KALRN: variants seen among roughly 807,000 people sequenced by gnomAD.
The protein encoded by KALRN is kalirin.
KALRN carries 70 observed loss-of-function variants against 353.7 expected under a neutral mutation model. The observed-to-expected ratio is 0.20, with a 90% CI of 0.16 to 0.24. KALRN has a LOEUF of 0.24. Among genes scored for constraint, KALRN ranks in the 10% least tolerant of loss-of-function variants. The probability of loss-of-function intolerance (pLI) is 1.00; values close to 1 mark genes in which losing one functional copy is unlikely to be tolerated. For missense variants in KALRN, 2,791 were observed against 3,756.7 expected (o/e 0.74, Z 6.72); for synonymous variants, 1,391 against 1,434.8 (o/e 0.97, Z 0.69).
chr3:124,466,331 G>A (rs999918564), intron 25 of KALRN, among the ~76,000 whole-genome samples: 3 of 152,096 alleles, frequency 2.0e-5, no homozygotes, highest in Non-Finnish European at 2.9e-5. Context: ...ACAAGACTTA[G>A]ACCTATTTTG....
At position 124,679,471 on chromosome 3, in the gene KALRN, C is replaced by T; in HGVS notation, c.7331C>T (p.Ser2444Phe). ...CTGCCAATCAAGGAGACGAACAGTTCCGAGGAATCAGAGTGTGATGATCTT... is the reference window on the plus strand; with the variant it reads ...CTGCCAATCAAGGAGACGAACAGTTTCGAGGAATCAGAGTGTGATGATCTT... Reference protein sequence around the residue: ...NKVSVKETNSSEESECDDLDP... With the variant: ...NKVSVKETNSFEESECDDLDP... Residue 2444 changes from serine to phenylalanine, a missense_variant, in exon 51 of 60, where the codon TCC becomes TTC. By Grantham distance (155) the Ser-to-Phe change is radical (BLOSUM62 -2). Around this residue, in one of 11 missense-constraint regions of KALRN, gnomAD observed 1,065 missense variants for 1,156.4 expected, o/e 0.92. Transcript: ENST00000682506. 1 of 1,613,978 alleles carries T rather than the reference C, an allele frequency of 6.2e-7. No individual in the cohort carries two copies. The highest frequency in any genetic ancestry group is 8.5e-7 in the Non-Finnish European group (1 of 1,179,860).
chr3:124,486,160 G>C (rs13324693), intron 28 of KALRN, among the ~76,000 whole-genome samples: 4,007 of 152,184 alleles, frequency 0.026, 186 homozygotes, highest in African/African-American at 0.09. Context: ...ATTAAATGTG[G>C]AGCCTTCTCC....
At chr3:124,044,006 A>C (rs2040200305) in intron 1 of KALRN, among the ~76,000 whole-genome samples, 1 of 152,074 alleles carries the variant, frequency 6.6e-6, no homozygotes, top group African/African-American at 2.4e-5. Flanking sequence ...TTTGCTCATG[A>C]ATTTCCAGTT....
chr3:124,111,169 A>G, intron 1 of KALRN, among the ~76,000 whole-genome samples: 1 of 152,218 alleles, frequency 6.6e-6, no homozygotes, highest in East Asian at 1.9e-4. Flanking sequence ...ACAAGAAAAG[A>G]CCATCTTAGA....
chr3:124,678,743 T>C lies in KALRN; in HGVS notation c.7317+430T>C, dbSNP rs555843108. 21 of 160,860 alleles carry C rather than the reference T, an allele frequency of 1.3e-4. No homozygotes were observed. In the South Asian group the frequency reaches 3.6e-3, roughly 27 times the overall value. The allele number at this position is 160,860 out of a possible 1,614,324, so 10.0% of individuals were successfully genotyped here. The stretch of plus-strand genomic sequence containing the variant: ...CTGAGGTTTGGAATTTAAGGGCCAC[T>C]GTGTCCTTAGTAAAGTTTCATTTCT... On this transcript the variant is annotated intron_variant, in intron 50 of 59. Coordinates refer to ENST00000682506, the MANE Select transcript of KALRN (RefSeq NM_001388419.1).
intron 34 of KALRN, among the ~76,000 whole-genome samples, chr3:124,615,170 T>C (rs1011095886): frequency 6.6e-6 from 1 of 152,210 alleles, no homozygotes; most frequent in Non-Finnish European, 1.5e-5. Context: ...TATAGTCTAA[T>C]CAAATCAATA....
At chr3:124,565,838 A>C (rs2072741402) in intron 34 of KALRN, among the ~76,000 whole-genome samples, 1 of 152,214 alleles carries the variant, frequency 6.6e-6, no homozygotes, top group Non-Finnish European at 1.5e-5. Context: ...GTGATCCCGA[A>C]GTGGGAGGTG....
chr3:124,566,321 C>T (rs748904767), intron 34 of KALRN, among the ~76,000 whole-genome samples: 14 of 151,932 alleles, frequency 9.2e-5, no homozygotes, highest in Non-Finnish European at 1.6e-4. Context: ...GGCAACATGG[C>T]GAAACCCTGT....
intron 14 of KALRN, among the ~76,000 whole-genome samples, chr3:124,417,163 A>G (rs1270110352): frequency 6.6e-6 from 1 of 152,220 alleles, no homozygotes; most frequent in Non-Finnish European, 1.5e-5. Context: ...GGGAGATGGT[A>G]GGTTTTGCTG....
intron 1 of KALRN, among the ~76,000 whole-genome samples, chr3:124,140,017 A>C (rs1179110793): frequency 6.6e-6 from 1 of 152,122 alleles, no homozygotes; most frequent in African/African-American, 2.4e-5. Context: ...GTCATATGGT[A>C]GTTCCACCAG....
chr3:124,477,322 C>T lies in KALRN; in HGVS notation c.4179C>T (p.Gly1393=). The change falls in exon 27 of 60, where the codon GGC becomes GGT. Residue 1393 remains glycine, a synonymous_variant. Coordinates refer to ENST00000682506, the MANE Select transcript of KALRN (RefSeq NM_001388419.1). ...ACCAGCTTATCCTGGAGCATGCGGG[C>T]ACCTTCTTTGATGTAAGCTGTGTTT... is the stretch of plus-strand genomic sequence containing the variant. The part of the protein sequence containing the change: ...DSNQLILEHA[G]TFFDEIQQRH... The T allele has an allele frequency of 1.2e-6, 2 of 1,612,892 alleles. No individual in the cohort carries two copies. Among genetic ancestry groups the T allele is most frequent in the Non-Finnish European group, 8.5e-7 (1 of 1,178,988 alleles).
rs142947301 is a variant in KALRN at position 124,671,887 on chromosome 3, G to A, written c.6931G>A (p.Glu2311Lys). ...ATACCACCAGCCTGGGGACAAGTTC[G>A]AAGCCAGCAAGGTAAGTGACAACTC... is the stretch of plus-strand genomic sequence containing the variant. The part of the protein sequence containing the change: ...FEYHQPGDKF[E>K]ASKNDLGGCN... Residue 2311 changes from glutamate to lysine, a missense_variant, in exon 48 of 60, where the codon GAA becomes AAA. Coordinates refer to ENST00000682506, the MANE Select transcript of KALRN (RefSeq NM_001388419.1). 2.8e-4 allele frequency: 448 copies of A among 1,612,374 alleles called. No individual in the cohort carries two copies. In the African/African-American group the frequency reaches 4.7e-3, roughly 17 times the overall value.
intron 3 of KALRN, among the ~76,000 whole-genome samples, chr3:124,236,223 G>C (rs757476962): frequency 6.6e-6 from 1 of 152,104 alleles, no homozygotes; most frequent in Non-Finnish European, 1.5e-5. Flanking sequence ...AGGGATTTGG[G>C]TTATATCTGA....
chr3:124,711,634 C>G (rs1228652123), intron 57 of KALRN, among the ~76,000 whole-genome samples: 1 of 152,196 alleles, frequency 6.6e-6, no homozygotes, highest in African/African-American at 2.4e-5. Context: ...ACAGCTGTAT[C>G]TGGGAACCAT....
chr3:124,384,004 A>G lies in KALRN; in HGVS notation c.1771-841A>G, dbSNP rs145774475. Among the ~76,000 whole-genome samples the G allele has an allele frequency of 6.2e-3, 944 of 152,316 alleles. 18 individuals carry two copies. The highest frequency in any genetic ancestry group is 0.022 in the African/African-American group (894 of 41,562). On this transcript the variant is annotated intron_variant, in intron 10 of 59. Coordinates refer to ENST00000682506, the MANE Select transcript of KALRN (RefSeq NM_001388419.1). ...CACCAGCTCTAAGTCAGGACATATC[A>G]GGAGACTTTCAAAATGAGAAGCCTG... is the stretch of plus-strand genomic sequence containing the variant.
At chr3:124,677,940 AT>A (rs2087375638) in intron 49 of KALRN, among the ~76,000 whole-genome samples, 1 of 152,078 alleles carries the variant, frequency 6.6e-6, no homozygotes, top group South Asian at 2.1e-4. Context: ...TAGCATTCAT[AT>A]TTTCTTTAAA....
chr3:124,424,073 A>C (rs1298143351), intron 15 of KALRN, among the ~76,000 whole-genome samples: 2 of 152,102 alleles, frequency 1.3e-5, no homozygotes, highest in African/African-American at 4.8e-5. Flanking sequence ...CTCATTTTAT[A>C]GATTAGGCCA....
chr3:124,606,042 T>C (rs1324172072), intron 34 of KALRN, among the ~76,000 whole-genome samples: 2 of 97,494 alleles, frequency 2.1e-5, no homozygotes, highest in African/African-American at 7.8e-5. Context: ...AGTCCACTGC[T>C]GACTTTCTCT....
intron 21 of KALRN, 70 bp from the exon 22 acceptor site, chr3:124,455,105 AAG>A (rs1560995489): frequency 1.7e-5 from 27 of 1,547,510 alleles, no homozygotes; most frequent in Non-Finnish European, 2.1e-5. Flanking sequence ...TCTAAACAGG[AAG>A]AGAGGATTTG....
Sources: allele counts gnomAD v4.1 joint callset (sites outside exome capture counted in the v4.1 genomes callset), GRCh38; gene constraint gnomAD v4.1.1; regional missense constraint gnomAD v4.1.1; transcripts MANE v1.5; gene names NCBI Gene and HGNC (gene_info 2026-07-23, HGNC 2026-07-21).